The following TMEM132B variants were observed in gnomAD, a reference collection of about 807,000 sequenced individuals.
The protein encoded by TMEM132B is transmembrane protein 132B.
TMEM132B carries 18 observed loss-of-function variants against 90.8 expected under a neutral mutation model. The ratio of observed to expected loss-of-function variants is 0.20; its 90% CI spans 0.14 to 0.29. The LOEUF (loss-of-function observed/expected upper bound fraction) is 0.29. TMEM132B is among the 10% of genes least tolerant of loss of function. The pLI, the probability that TMEM132B is intolerant of heterozygous loss-of-function variation, is 1.00. For synonymous variants in TMEM132B, 504 were observed against 523.3 expected, an observed-to-expected ratio of 0.96 and a Z score of 0.50; for missense variants, 1,096 against 1,326.8, an observed-to-expected ratio of 0.83 and a Z score of 2.70.
chr12:125,225,013 C>G (rs539503295), intron 1 of TMEM132B, among the ~76,000 whole-genome samples: 2 of 152,204 alleles, frequency 1.3e-5, no homozygotes, highest in Non-Finnish European at 2.9e-5. Context: ...CTCATCCTTT[C>G]TGGTGGAGGT....
chr12:125,565,818 G>T (rs1439945613), intron 4 of TMEM132B, among the ~76,000 whole-genome samples: 1 of 152,204 alleles, frequency 6.6e-6, no homozygotes, highest in South Asian at 2.1e-4. Flanking sequence ...GTACAGGACA[G>T]GGGGGCATGG....
At chr12:125,397,217 C>T (rs780078914) in intron 2 of TMEM132B, among the ~76,000 whole-genome samples, 21 of 152,086 alleles carry the variant, frequency 1.4e-4, no homozygotes, top group African/African-American at 1.9e-4. Context: ...GTGATCCTCC[C>T]GCCTCAGCCT....
chr12:125,334,509 G>A (rs142139137), intron 1 of TMEM132B, among the ~76,000 whole-genome samples: 1 of 152,328 alleles, frequency 6.6e-6, no homozygotes, highest in African/African-American at 2.4e-5. Context: ...GGACCTGACA[G>A]GGTTCCTTGG....
rs557183730 is a variant in TMEM132B, at chr12:125,655,053, G to A, written c.*343G>A. ...CCATGTGGAATTAGAAAAGATTTGG[G>A]TGTTGATTTTTCTATTTCTAGACCT... is the stretch of plus-strand genomic sequence containing the variant. On this transcript the variant is annotated 3_prime_UTR_variant, in exon 9 of 9. Coordinates refer to ENST00000682704, the MANE Select transcript of TMEM132B (RefSeq NM_001366854.1). The A allele has an allele frequency of 4.0e-5, 9 of 223,014 alleles. No individual in the cohort carries two copies. The East Asian group carries it at 8.4e-4, about 21-fold the overall frequency. The allele number at this position is 223,014 out of a possible 1,614,324, so 13.8% of individuals were successfully genotyped here. A position where few individuals can be genotyped will look rare whatever the true frequency, so the allele number is the denominator to read the frequency against.
chr12:125,345,042 C>T (rs79202534), intron 1 of TMEM132B, among the ~76,000 whole-genome samples: 2,955 of 152,216 alleles, frequency 0.019, 46 homozygotes, highest in Non-Finnish European at 0.032. Flanking sequence ...ATTATTCCCG[C>T]GGTACCCAGG....
intron 4 of TMEM132B, among the ~76,000 whole-genome samples, chr12:125,581,459 G>T (rs1441646909): frequency 3.3e-5 from 5 of 152,232 alleles, no homozygotes; most frequent in African/African-American, 9.6e-5. Flanking sequence ...TTCTTTGTTT[G>T]GGCTTCACTT....
chr12:125,569,643 A>T (rs983850228), intron 4 of TMEM132B, among the ~76,000 whole-genome samples: 2 of 152,132 alleles, frequency 1.3e-5, no homozygotes, highest in African/African-American at 2.4e-5. Flanking sequence ...GGGCCAATGA[A>T]AGCATAAAGG....
At chr12:125,272,579 A>T (rs553213436) in intron 1 of TMEM132B, among the ~76,000 whole-genome samples, 1 of 152,272 alleles carries the variant, frequency 6.6e-6, no homozygotes, top group African/African-American at 2.4e-5. Flanking sequence ...ATTAAAAAAA[A>T]AATAAACTCG....
At chr12:125,202,950 T>A (rs1873098689) in intron 1 of TMEM132B, among the ~76,000 whole-genome samples, 1 of 152,180 alleles carries the variant, frequency 6.6e-6, no homozygotes, top group Admixed American at 6.5e-5. Flanking sequence ...TAATTGGGTT[T>A]CTTTCACTTG....
At chr12:125,308,108 T>A (rs1876038900) in intron 1 of TMEM132B, among the ~76,000 whole-genome samples, 2 of 146,488 alleles carry the variant, frequency 1.4e-5, no homozygotes, top group Non-Finnish European at 1.5e-5. Context: ...TACAAGTATA[T>A]TACAAGTATA....
intron 1 of TMEM132B, among the ~76,000 whole-genome samples, chr12:125,341,632 A>G (rs1301120201): frequency 6.6e-6 from 1 of 152,302 alleles, no homozygotes; most frequent in African/African-American, 2.4e-5. Flanking sequence ...GAGTATACAC[A>G]AAGCACCTAC....
intron 3 of TMEM132B, among the ~76,000 whole-genome samples, chr12:125,484,858 G>C (rs1882160809): frequency 1.3e-5 from 2 of 152,012 alleles, no homozygotes; most frequent in South Asian, 4.2e-4. Context: ...TTCTACCTTG[G>C]GTTCCCAAAG....
At chr12:125,332,111 A>T (rs1269505003) in intron 1 of TMEM132B, among the ~76,000 whole-genome samples, 1 of 152,204 alleles carries the variant, frequency 6.6e-6, no homozygotes, top group Non-Finnish European at 1.5e-5. Context: ...TCTAGCTCAT[A>T]GGATTGTGTA....
At chr12:125,448,962 A>G (rs967738865) in intron 3 of TMEM132B, among the ~76,000 whole-genome samples, 4 of 143,812 alleles carry the variant, frequency 2.8e-5, no homozygotes, top group African/African-American at 7.8e-5. Context: ...GCATTCATAT[A>G]TCTTTTTTTT....
intron 5 of TMEM132B, among the ~76,000 whole-genome samples, chr12:125,615,312 A>C (rs1159155262): frequency 2.6e-5 from 4 of 151,880 alleles, no homozygotes; most frequent in Non-Finnish European, 4.4e-5. Context: ...CTTTATAGAT[A>C]TATATATATG....
intron 2 of TMEM132B, among the ~76,000 whole-genome samples, chr12:125,370,545 A>C (rs1878261064): frequency 6.6e-6 from 1 of 152,218 alleles, no homozygotes; most frequent in Admixed American, 6.5e-5. Context: ...GCATCTGGGC[A>C]GTCCCTTCTC....
intron 4 of TMEM132B, among the ~76,000 whole-genome samples, chr12:125,548,679 G>T (rs975639838): frequency 1.1e-4 from 17 of 152,316 alleles, no homozygotes; most frequent in Middle Eastern, 3.4e-3. Flanking sequence ...CAGGGCCATA[G>T]AATAAATAGG....
intron 4 of TMEM132B, among the ~76,000 whole-genome samples, chr12:125,551,471 T>C (rs1031444567): frequency 8.5e-5 from 13 of 152,230 alleles, no homozygotes; most frequent in Non-Finnish European, 1.2e-4. Context: ...AATTTTTTTC[T>C]TAGTCTAGAA....
intron 5 of TMEM132B, among the ~76,000 whole-genome samples, chr12:125,627,146 A>T (rs1272830661): frequency 6.6e-6 from 1 of 152,014 alleles, no homozygotes; most frequent in Non-Finnish European, 1.5e-5. Context: ...CCATTTTATT[A>T]TTCCTTATTG....
Sources: allele counts gnomAD v4.1 joint callset (sites outside exome capture counted in the v4.1 genomes callset), GRCh38; gene constraint gnomAD v4.1.1; transcripts MANE v1.5; gene names NCBI Gene and HGNC (gene_info 2026-07-23, HGNC 2026-07-21).